Variants in RAP1GAP2 observed in about 807,000 individuals in gnomAD.
The protein encoded by RAP1GAP2 is RAP1 GTPase activating protein 2, also known as rap1 GTPase-activating protein 2.
RAP1GAP2 carries 27 observed loss-of-function variants against 95.0 expected under a neutral mutation model. The observed-to-expected ratio is 0.28, with a 90% CI of 0.21 to 0.39. RAP1GAP2 has a LOEUF of 0.39. Ranked by LOEUF, RAP1GAP2 falls within the 10% of genes least tolerant of loss-of-function variation. RAP1GAP2 has a pLI of 1.00. For synonymous variants in RAP1GAP2, 373 were observed against 380.9 expected (o/e 0.98, Z 0.24); for missense variants, 771 against 970.0 (o/e 0.79, Z 2.72).
At chr17:2,896,839 C>T (rs544351548) in intron 2 of RAP1GAP2, among the ~76,000 whole-genome samples, 20 of 152,304 alleles carry the variant, frequency 1.3e-4, no homozygotes, top group East Asian at 9.7e-4. Flanking sequence ...AGCTGCAGCC[C>T]GAGTCTGGCC....
chr17:2,780,490 G>A (rs557182656), intron 1 of RAP1GAP2, among the ~76,000 whole-genome samples: 1 of 152,362 alleles, frequency 6.6e-6, no homozygotes. Context: ...CTTTGCCAAG[G>A]CCTGTTGCCA....
chr17:2,830,393 G>A (rs890518281), intron 2 of RAP1GAP2, among the ~76,000 whole-genome samples: 3 of 151,734 alleles, frequency 2.0e-5, no homozygotes, highest in Admixed American at 2.0e-4. Flanking sequence ...CTCCAGTCTG[G>A]GCGACAGAGG....
chr17:2,852,011 C>T (rs2071871801), intron 2 of RAP1GAP2, among the ~76,000 whole-genome samples: 1 of 152,162 alleles, frequency 6.6e-6, no homozygotes, highest in Non-Finnish European at 1.5e-5. Flanking sequence ...AAGCCAGCGC[C>T]CTCATCACCT....
chr17:2,837,270 AG>A (rs2071173154), intron 2 of RAP1GAP2, among the ~76,000 whole-genome samples: 1 of 148,032 alleles, frequency 6.8e-6, no homozygotes, highest in African/African-American at 2.5e-5. Flanking sequence ...AAAAAAAAAA[AG>A]CATGAATTTG....
At chr17:2,876,645 A>G (rs1326621845) in intron 2 of RAP1GAP2, among the ~76,000 whole-genome samples, 1 of 152,154 alleles carries the variant, frequency 6.6e-6, no homozygotes, top group African/African-American at 2.4e-5. Flanking sequence ...GAGATGAGAT[A>G]GCAAATGTTT....
chr17:2,781,311 A>G (rs2068640592), intron 1 of RAP1GAP2, among the ~76,000 whole-genome samples: 1 of 152,248 alleles, frequency 6.6e-6, no homozygotes. Flanking sequence ...GGCCCTGCCG[A>G]TTAGATGGCT....
chr17:2,965,740 C>T lies in RAP1GAP2; in HGVS notation c.596+97C>T. ...ATGGGACTCAGAAATACCAGACTGACCAGTCTGGTCTGGGTGCACTGGCTG... is the reference window on the plus strand; with the variant it reads ...ATGGGACTCAGAAATACCAGACTGATCAGTCTGGTCTGGGTGCACTGGCTG... On this transcript the variant is annotated intron_variant, in intron 8 of 24. Transcript: ENST00000254695. The surrounding 1 kb of genome is among the most constrained non-coding windows in gnomAD (Gnocchi z 4.7). The T allele has an allele frequency of 1.1e-5, 10 of 901,234 alleles. No individual in the cohort carries two copies. Among genetic ancestry groups the T allele is most frequent in the Non-Finnish European group, 1.8e-5 (10 of 571,396 alleles). 55.8% of individuals were successfully genotyped at this position (901,234 alleles called of 1,614,324 possible). A position where few individuals can be genotyped will look rare whatever the true frequency, so the allele number is the denominator to read the frequency against.
At chr17:2,891,148 CT>C (rs551658552) in intron 2 of RAP1GAP2, among the ~76,000 whole-genome samples, 16 of 147,320 alleles carry the variant, frequency 1.1e-4, no homozygotes, top group African/African-American at 2.7e-4. Flanking sequence ...CTTTCTTTTT[CT>C]TTTTTTTTTA....
chr17:2,934,807 C>A (rs2043253988), intron 3 of RAP1GAP2, among the ~76,000 whole-genome samples: 1 of 152,224 alleles, frequency 6.6e-6, no homozygotes, highest in South Asian at 2.1e-4. Context: ...TTGACGAAAT[C>A]TGGTGCGTGC....
chr17:3,027,902 G>T lies in RAP1GAP2; in HGVS notation c.2107+832G>T, dbSNP rs999990285. Among the ~76,000 whole-genome samples the T allele has an allele frequency of 2.0e-5, 3 of 152,022 alleles. No individual in the cohort carries two copies. The highest frequency in any genetic ancestry group is 4.4e-5 in the Non-Finnish European group (3 of 68,000). ...GGGTTCAGAGAGAGCAGGAGTCTGG[G>T]CGTTTTGGGGTTCTGTGATCCCTGC... On this transcript the variant is annotated intron_variant, in intron 22 of 24. Coordinates refer to ENST00000254695, the MANE Select transcript of RAP1GAP2 (RefSeq NM_015085.5). The surrounding 1 kb of genome is among the most constrained non-coding windows in gnomAD (Gnocchi z 5.2).
At chr17:2,801,628 TGTGTG>T (rs2069301112) in intron 2 of RAP1GAP2, among the ~76,000 whole-genome samples, 1 of 104,462 alleles carries the variant, frequency 9.6e-6, no homozygotes, top group African/African-American at 3.2e-5. Context: ...TGTGTGTGTG[TGTGTG>T]TGTGTGTGTG....
intron 1 of RAP1GAP2, among the ~76,000 whole-genome samples, chr17:2,757,962 C>T (rs958427130): frequency 8.6e-5 from 13 of 151,878 alleles, no homozygotes; most frequent in African/African-American, 3.1e-4. Flanking sequence ...CTCCGCCTGC[C>T]GGGTTCACAC....
At chr17:3,030,132 A>G (rs2047245618) in intron 22 of RAP1GAP2, among the ~76,000 whole-genome samples, 1 of 147,300 alleles carries the variant, frequency 6.8e-6, no homozygotes, top group South Asian at 2.1e-4. Flanking sequence ...ATATATACAT[A>G]TATATTATAT....
intron 19 of RAP1GAP2, among the ~76,000 whole-genome samples, chr17:3,020,968 G>C (rs1326542056): frequency 6.6e-6 from 1 of 152,142 alleles, no homozygotes; most frequent in African/African-American, 2.4e-5. Flanking sequence ...CTTCTAAAAG[G>C]TTCTATGCTT....
chr17:2,981,090 C>A, intron 9 of RAP1GAP2, 105 bp from the exon 10 acceptor site: 1 of 1,048,668 alleles, frequency 9.5e-7, no homozygotes. Context: ...GGCCTCCTGA[C>A]CCATGTGCCT....
At chr17:3,010,579 G>A (rs1424313742) in intron 17 of RAP1GAP2, among the ~76,000 whole-genome samples, 1 of 152,132 alleles carries the variant, frequency 6.6e-6, no homozygotes, top group Admixed American at 6.6e-5. Context: ...AATACAGGTG[G>A]CAGGTATAAA....
chr17:3,029,523 T>C lies in RAP1GAP2; in HGVS notation c.2108-1399T>C, dbSNP rs927371990. On this transcript the variant is annotated intron_variant, in intron 22 of 24. Transcript: ENST00000254695. The surrounding 1 kb of genome is among the most constrained non-coding windows in gnomAD (Gnocchi z 4.4). ...CAGGGTGGAGTGGGGAGAGGTGGCC[T>C]GACGTCCTGACGTACAGTCTCCATA... 1.3e-5 allele frequency among the ~76,000 whole-genome samples: 2 copies of C among 152,168 alleles called. No individual in the cohort carries two copies. The highest frequency in any genetic ancestry group is 4.8e-5 in the African/African-American group (2 of 41,444).
chr17:2,890,893 T>C (rs1286905701), intron 2 of RAP1GAP2, among the ~76,000 whole-genome samples: 2 of 151,738 alleles, frequency 1.3e-5, no homozygotes, highest in Admixed American at 1.3e-4. Flanking sequence ...ACTGTGTTAG[T>C]CAGGATGGTC....
intron 2 of RAP1GAP2, among the ~76,000 whole-genome samples, chr17:2,803,203 G>A (rs565526145): frequency 6.6e-6 from 1 of 152,336 alleles, no homozygotes; most frequent in South Asian, 2.1e-4. Flanking sequence ...CCAGGGTTGA[G>A]ATTGGGACCC....
Sources: gnomAD v4.1 joint callset for allele counts (sites outside exome capture counted in the v4.1 genomes callset) on GRCh38, gnomAD v4.1.1 for gene constraint, Gnocchi (gnomAD v3.1) non-coding constraint, MANE v1.5 for transcripts, NCBI Gene and HGNC (gene_info 2026-07-23, HGNC 2026-07-21) for gene names.